RPS6KA5: variants seen among roughly 807,000 people sequenced by gnomAD.
RPS6KA5 encodes ribosomal protein S6 kinase A5.
RPS6KA5 carries 27 observed loss-of-function variants against 85.5 expected under a neutral mutation model. The observed-to-expected ratio is 0.32, with a 90% CI of 0.23 to 0.44. The LOEUF (loss-of-function observed/expected upper bound fraction) is 0.44. Ranked by LOEUF, RPS6KA5 falls within the 20% of genes least tolerant of loss-of-function variation. The probability of loss-of-function intolerance (pLI) is 1.00; values close to 1 mark genes in which losing one functional copy is unlikely to be tolerated. For synonymous variants in RPS6KA5, 334 were observed against 348.2 expected, an observed-to-expected ratio of 0.96 and a Z score of 0.46; for missense variants, 811 against 980.9, an observed-to-expected ratio of 0.83 and a Z score of 2.31.
At position 90,891,989 on chromosome 14, in the gene RPS6KA5, AT is replaced by A. The variant is rs572025383; in HGVS notation, c.1645-1312del. Among the ~76,000 whole-genome samples the A allele has an allele frequency of 7.4e-5, 10 of 135,154 alleles. No individual in the cohort carries two copies. The East Asian group carries it at 1.9e-3, about 26-fold the overall frequency. The allele number at this position is 135,154 out of a possible 152,430, so 88.7% of individuals were successfully genotyped here. On this transcript the variant is annotated intron_variant, in intron 13 of 16. Coordinates refer to ENST00000614987, the MANE Select transcript of RPS6KA5 (RefSeq NM_004755.4). Reference sequence around the variant, plus strand: ...TTAAGATTGGAAAAGGGCTTCCTTGATTTTAGTTCTTTTTTTTTTTTTTTTG... The same window carrying A: ...TTAAGATTGGAAAAGGGCTTCCTTGATTTAGTTCTTTTTTTTTTTTTTTTG...
At chr14:91,029,698 T>C (rs1214113285) in intron 1 of RPS6KA5, among the ~76,000 whole-genome samples, 1 of 152,160 alleles carries the variant, frequency 6.6e-6, no homozygotes, top group Non-Finnish European at 1.5e-5. Context: ...TAAAATACAA[T>C]TTAAAAATCT....
chr14:91,055,703 T>C (rs753844616), intron 1 of RPS6KA5, among the ~76,000 whole-genome samples: 1 of 152,160 alleles, frequency 6.6e-6, no homozygotes, highest in Admixed American at 6.5e-5. Context: ...CTCTTGAGCC[T>C]AGGAGTTTGA....
At chr14:91,022,747 T>C (rs1232749107) in intron 1 of RPS6KA5, among the ~76,000 whole-genome samples, 2 of 152,198 alleles carry the variant, frequency 1.3e-5, no homozygotes, top group Non-Finnish European at 2.9e-5. Context: ...CTTATGCTCT[T>C]GCATACTTAT....
At chr14:91,049,410 T>C (rs1296091) in intron 1 of RPS6KA5, among the ~76,000 whole-genome samples, 124,160 of 152,054 alleles carry the variant, frequency 0.82, 51,294 homozygotes, top group East Asian at 0.97. Flanking sequence ...GTCAGGAGAT[T>C]GAGACCATCC....
At chr14:90,962,794 G>T (rs2038874185) in intron 3 of RPS6KA5, among the ~76,000 whole-genome samples, 1 of 152,066 alleles carries the variant, frequency 6.6e-6, no homozygotes, top group Admixed American at 6.6e-5. Context: ...TGTTTAATTT[G>T]CTTTAGCATT....
chr14:90,986,984 T>C (rs2040081076), intron 2 of RPS6KA5, among the ~76,000 whole-genome samples: 1 of 152,182 alleles, frequency 6.6e-6, no homozygotes, highest in Non-Finnish European at 1.5e-5. Flanking sequence ...CTAGCTAACA[T>C]GACCTAACAT....
chr14:91,028,793 C>T (rs2042077858), intron 1 of RPS6KA5, among the ~76,000 whole-genome samples: 1 of 152,200 alleles, frequency 6.6e-6, no homozygotes, highest in South Asian at 2.1e-4. Flanking sequence ...GCTGGGATTA[C>T]AGGCATGAGC....
At chr14:90,874,639 A>G (rs562439623) in intron 15 of RPS6KA5, among the ~76,000 whole-genome samples, 2 of 152,354 alleles carry the variant, frequency 1.3e-5, no homozygotes, top group South Asian at 4.1e-4. Flanking sequence ...AAGTCCCTCT[A>G]TTGACAGATG....
At chr14:90,885,419 G>A (rs1477510101) in intron 14 of RPS6KA5, among the ~76,000 whole-genome samples, 2 of 149,956 alleles carry the variant, frequency 1.3e-5, no homozygotes, top group Non-Finnish European at 3.0e-5. Flanking sequence ...CGGGCGTAGT[G>A]GCGGGCGCCT....
intron 3 of RPS6KA5, among the ~76,000 whole-genome samples, chr14:90,958,930 C>T (rs543872910): frequency 3.3e-5 from 5 of 152,002 alleles, no homozygotes; most frequent in East Asian, 1.9e-4. Flanking sequence ...TAGGCCTCAG[C>T]GAGGTGACTT....
chr14:90,948,548 A>G (rs947834686), intron 3 of RPS6KA5, among the ~76,000 whole-genome samples: 1 of 152,134 alleles, frequency 6.6e-6, no homozygotes, highest in African/African-American at 2.4e-5. Flanking sequence ...TACAAAAATT[A>G]ATCGGGCGTG....
chr14:91,033,966 T>C (rs933628241), intron 1 of RPS6KA5, among the ~76,000 whole-genome samples: 5 of 152,132 alleles, frequency 3.3e-5, no homozygotes, highest in African/African-American at 1.2e-4. Flanking sequence ...CACACAACAA[T>C]GTAGATAAAT....
Position 91,020,598 on chromosome 14 carries a change from G to A in RPS6KA5, c.104-19439C>T, listed in dbSNP as rs998982422. Reference sequence around the variant, plus strand: ...TGTGTGTGTGTTTATATGTGTATGTGTATGTATATATCCTATTGTGTGTGT... The same window carrying A: ...TGTGTGTGTGTTTATATGTGTATGTATATGTATATATCCTATTGTGTGTGT... On this transcript the variant is annotated intron_variant, in intron 1 of 16. Transcript: ENST00000614987. Among the ~76,000 whole-genome samples, 39 of 131,716 alleles carry A rather than the reference G, an allele frequency of 3.0e-4. 2 individuals carry two copies. Among genetic ancestry groups the A allele is most frequent in the African/African-American group, 1.0e-3 (37 of 35,280 alleles). The allele number at this position is 131,716 out of a possible 152,430, so 86.4% of individuals were successfully genotyped here.
At chr14:90,952,296 C>T (rs1308284091) in intron 3 of RPS6KA5, among the ~76,000 whole-genome samples, 3 of 152,322 alleles carry the variant, frequency 2.0e-5, no homozygotes, top group South Asian at 2.1e-4. Context: ...TATTAACTCC[C>T]GTTTTGACTC....
intron 14 of RPS6KA5, among the ~76,000 whole-genome samples, chr14:90,880,930 G>C (rs531535606): frequency 2.0e-5 from 3 of 151,378 alleles, no homozygotes; most frequent in East Asian, 3.9e-4. Flanking sequence ...ACCTCCCCAG[G>C]CTCAAGAGAT....
intron 2 of RPS6KA5, among the ~76,000 whole-genome samples, chr14:90,979,602 T>C (rs1595387531): frequency 6.6e-6 from 1 of 152,250 alleles, no homozygotes; most frequent in African/African-American, 2.4e-5. Context: ...GTACTCCGTA[T>C]GTTATTCAGT....
At chr14:91,023,104 A>AAAG (rs1555378893) in intron 1 of RPS6KA5, among the ~76,000 whole-genome samples, 1 of 137,530 alleles carries the variant, frequency 7.3e-6, no homozygotes. Context: ...AAAAAAAAAG[A>AAAG]TTTGTGTACT....
chr14:91,060,639 C>G lies in RPS6KA5; in HGVS notation c.-205G>C, dbSNP rs946094126. 4 of 625,092 alleles carry G rather than the reference C, an allele frequency of 6.4e-6. No homozygotes were observed. The highest frequency in any genetic ancestry group is 9.0e-5 in the Admixed American group (2 of 22,230). 38.7% of individuals were successfully genotyped at this position (625,092 alleles called of 1,614,324 possible). On this transcript the variant is annotated 5_prime_UTR_variant, in exon 1 of 17. Transcript: ENST00000614987. ...CCCCTTCGGCGGGCACCGCTAGTAC[C>G]GCGCAACCAAACCGCCCCCTGCTCC...
Position 90,849,085 on chromosome 14 carries a change from A to G in RPS6KA5, c.*22989T>C, listed in dbSNP as rs911142769. The G allele has an allele frequency of 6.6e-6, 1 of 152,250 alleles. No homozygotes were observed. Among genetic ancestry groups the G allele is most frequent in the Non-Finnish European group, 1.5e-5 (1 of 68,066 alleles). The allele number at this position is 152,250 out of a possible 1,614,324, so 9.4% of individuals were successfully genotyped here. A position where few individuals can be genotyped will look rare whatever the true frequency, so the allele number is the denominator to read the frequency against. The stretch of plus-strand genomic sequence containing the variant: ...AAGATGCAAGCAAATTTCTGCAAAT[A>G]GAAGCGTTCACCCCACAGATGAGAA... On this transcript the variant is annotated 3_prime_UTR_variant, in exon 17 of 17. Transcript: ENST00000614987.
Sources: allele counts gnomAD v4.1 joint callset (sites outside exome capture counted in the v4.1 genomes callset), GRCh38; gene constraint gnomAD v4.1.1; transcripts MANE v1.5; gene names NCBI Gene and HGNC (gene_info 2026-07-23, HGNC 2026-07-21).